Variants in ARHGEF10L observed in about 807,000 individuals in gnomAD.
ARHGEF10L encodes rho guanine nucleotide exchange factor 10-like protein.
ARHGEF10L carries 69 observed loss-of-function variants against 141.2 expected under a neutral mutation model. The ratio of observed to expected loss-of-function variants is 0.49; its 90% CI spans 0.40 to 0.60. The LOEUF is 0.60. ARHGEF10L is among the 20% of genes least tolerant of loss of function. The pLI is 0.00. For synonymous variants in ARHGEF10L, 711 were observed against 718.5 expected, an observed-to-expected ratio of 0.99 and a Z score of 0.17; for missense variants, 1,482 against 1,734.3, an observed-to-expected ratio of 0.85 and a Z score of 2.58.
chr1:17,555,728 A>G (rs1356111562), intron 1 of ARHGEF10L, among the ~76,000 whole-genome samples: 1 of 152,182 alleles, frequency 6.6e-6, no homozygotes, highest in Non-Finnish European at 1.5e-5. Flanking sequence ...GAGCTGTGAC[A>G]GTCAACCCCC....
chr1:17,608,271 A>C (rs1202756094), intron 7 of ARHGEF10L, among the ~76,000 whole-genome samples: 1 of 152,132 alleles, frequency 6.6e-6, no homozygotes, highest in African/African-American at 2.4e-5. Context: ...ATTGATCCTG[A>C]TGCTCACGGG....
Position 17,619,482 on chromosome 1 carries a change from G to A in ARHGEF10L, c.942+37G>A. On this transcript the variant is annotated intron_variant, in intron 10 of 28. Coordinates refer to ENST00000361221, the MANE Select transcript of ARHGEF10L (RefSeq NM_018125.4). The surrounding 1 kb of genome is among the most constrained non-coding windows in gnomAD (Gnocchi z 5.0). The stretch of plus-strand genomic sequence containing the variant: ...AGTGGGGCAGGTGGGGGTCTGCAGG[G>A]GAAGGGGTGGCTTGGGGGTTCCAGC... 1 of 1,495,262 alleles carries A rather than the reference G, an allele frequency of 6.7e-7. No individual in the cohort carries two copies. The highest frequency in any genetic ancestry group is 9.1e-7 in the Non-Finnish European group (1 of 1,103,710). 92.6% of individuals were successfully genotyped at this position (1,495,262 alleles called of 1,614,324 possible).
At chr1:17,611,468 G>C (rs1259019222) in intron 7 of ARHGEF10L, among the ~76,000 whole-genome samples, 2 of 152,176 alleles carry the variant, frequency 1.3e-5, no homozygotes, top group African/African-American at 4.8e-5. Flanking sequence ...CAGAAAACCT[G>C]TGTGAAGCTC....
At chr1:17,521,753 A>G in the ARHGEF10L span, among the ~76,000 whole-genome samples, 2 of 152,306 alleles carry the variant, frequency 1.3e-5, no homozygotes, top group East Asian at 3.9e-4. Flanking sequence ...TCTAGTGCTC[A>G]GCCAAGCTCT....
chr1:17,582,408 T>C (rs1346373295), intron 2 of ARHGEF10L, among the ~76,000 whole-genome samples: 2 of 152,266 alleles, frequency 1.3e-5, no homozygotes, highest in African/African-American at 4.8e-5. Flanking sequence ...GCTAGTATCA[T>C]CTGGGTGAAC....
At chr1:17,600,287 C>T (rs2080515945) in intron 4 of ARHGEF10L, among the ~76,000 whole-genome samples, 1 of 152,236 alleles carries the variant, frequency 6.6e-6, no homozygotes, top group Non-Finnish European at 1.5e-5. Flanking sequence ...TCTTCATCTG[C>T]TACAGGCTCG....
At position 17,555,408 on chromosome 1, in the gene ARHGEF10L, G is replaced by T. The variant is rs568269736; in HGVS notation, c.-44+15458G>T. Among the ~76,000 whole-genome samples the T allele has an allele frequency of 5.4e-4, 82 of 151,590 alleles. 1 individual carries two copies. Among genetic ancestry groups the T allele is most frequent in the Admixed American group, 9.2e-4 (14 of 15,222 alleles). On this transcript the variant is annotated intron_variant, in intron 1 of 28. Transcript: ENST00000361221. ...GAGATAGTCTTGCTCTGTCTCCTAG[G>T]TTGGAGTGTAATGGCATGATCTCAG... is the stretch of plus-strand genomic sequence containing the variant.
At chr1:17,655,413 C>T (rs1486689182) in intron 23 of ARHGEF10L, among the ~76,000 whole-genome samples, 1 of 151,886 alleles carries the variant, frequency 6.6e-6, no homozygotes, top group Non-Finnish European at 1.5e-5. Flanking sequence ...CCGATACATC[C>T]TTCCATCTAT....
Position 17,619,592 on chromosome 1 carries a change from C to T in ARHGEF10L, c.942+147C>T, listed in dbSNP as rs931238020. ...TGGCAGAGCCCAGCTGGATAGGGGCCTCCTAGGTTCTCTCCTCAGCTATTG... is the reference window on the plus strand; with the variant it reads ...TGGCAGAGCCCAGCTGGATAGGGGCTTCCTAGGTTCTCTCCTCAGCTATTG... On this transcript the variant is annotated intron_variant, in intron 10 of 28. Transcript: ENST00000361221. This position sits in a 1 kb window ranked among gnomAD's most constrained non-coding sequence, Gnocchi z 5.0. The T allele has an allele frequency of 1.6e-6, 1 of 626,818 alleles. No homozygotes were observed. Among genetic ancestry groups the T allele is most frequent in the Non-Finnish European group, 2.7e-6 (1 of 366,144 alleles). 38.8% of individuals were successfully genotyped at this position (626,818 alleles called of 1,614,324 possible).
chr1:17,683,955 G>A (rs1042636667), intron 26 of ARHGEF10L, among the ~76,000 whole-genome samples: 3 of 152,252 alleles, frequency 2.0e-5, no homozygotes, highest in East Asian at 1.9e-4. Context: ...TTCGGGAGTC[G>A]AGCGGCAGGC....
chr1:17,685,431 A>G (rs2064490949), intron 26 of ARHGEF10L, among the ~76,000 whole-genome samples: 2 of 151,898 alleles, frequency 1.3e-5, no homozygotes, highest in South Asian at 4.2e-4. Context: ...TTTGCCTAGA[A>G]TGCTCTTCCC....
At chr1:17,599,517 G>A (rs972722153) in intron 4 of ARHGEF10L, among the ~76,000 whole-genome samples, 1 of 152,144 alleles carries the variant, frequency 6.6e-6, no homozygotes. Flanking sequence ...GGAAGAGTTT[G>A]GTTCTGTCTG....
Position 17,641,645 on chromosome 1 carries a change from A to C in ARHGEF10L, c.2272+1343A>C, listed in dbSNP as rs1411438922. Among the ~76,000 whole-genome samples the C allele has an allele frequency of 6.6e-5, 10 of 151,540 alleles. No homozygotes were observed. The South Asian group carries it at 1.5e-3, about 22-fold the overall frequency. On this transcript the variant is annotated intron_variant, in intron 21 of 28. Coordinates refer to ENST00000361221, the MANE Select transcript of ARHGEF10L (RefSeq NM_018125.4). ...CTCAAAAACAAAACAAAACAAAACA[A>C]AACACAACAAAACAAACAAAAAGAC...
At position 17,663,565 on chromosome 1, in the gene ARHGEF10L, A is replaced by C. The variant is rs556295254; in HGVS notation, c.2861-882A>C. ...TGAGATTCTGTCTCAAAGAAAAAAA[A>C]AAAAACAAAAAAAAACCACCCTCCA... On this transcript the variant is annotated intron_variant, in intron 25 of 28. Coordinates refer to ENST00000361221, the MANE Select transcript of ARHGEF10L (RefSeq NM_018125.4). Among the ~76,000 whole-genome samples, 656 of 151,614 alleles carry C rather than the reference A, an allele frequency of 4.3e-3. 4 individuals are homozygous for C. The highest frequency in any genetic ancestry group is 0.015 in the African/African-American group (633 of 41,360).
At chr1:17,597,453 G>C (rs1242235137) in intron 4 of ARHGEF10L, among the ~76,000 whole-genome samples, 1 of 152,108 alleles carries the variant, frequency 6.6e-6, no homozygotes, top group East Asian at 1.9e-4. Context: ...TACAGGAGGG[G>C]CCCCCAGCCT....
the ARHGEF10L span, among the ~76,000 whole-genome samples, chr1:17,529,258 C>T: frequency 1.3e-5 from 2 of 152,210 alleles, no homozygotes; most frequent in African/African-American, 4.8e-5. Context: ...CTTCCTCGGC[C>T]TCCCAATGTG....
intron 4 of ARHGEF10L, among the ~76,000 whole-genome samples, chr1:17,600,927 G>A (rs2080589980): frequency 6.6e-6 from 1 of 151,834 alleles, no homozygotes. Flanking sequence ...GCGCATGCCT[G>A]TAATTCCAGC....
intron 21 of ARHGEF10L, among the ~76,000 whole-genome samples, chr1:17,640,929 A>G (rs1442107855): frequency 6.6e-6 from 1 of 152,162 alleles, no homozygotes; most frequent in Non-Finnish European, 1.5e-5. Context: ...TTTCACATTC[A>G]CAGTAGCCTT....
intron 15 of ARHGEF10L, among the ~76,000 whole-genome samples, chr1:17,630,869 A>C (rs1217510501): frequency 6.6e-6 from 1 of 151,944 alleles, no homozygotes; most frequent in Non-Finnish European, 1.5e-5. Flanking sequence ...TTCTCTCCCG[A>C]GGAGGCTCGG....
Sources: allele counts gnomAD v4.1 joint callset (sites outside exome capture counted in the v4.1 genomes callset), GRCh38; gene constraint gnomAD v4.1.1; non-coding constraint Gnocchi (gnomAD v3.1); transcripts MANE v1.5; gene names NCBI Gene and HGNC (gene_info 2026-07-23, HGNC 2026-07-21).